Variants in PIBF1 observed in about 807,000 individuals in gnomAD.
PIBF1 encodes the protein progesterone immunomodulatory binding factor 1, also known as progesterone-induced-blocking factor 1.
In PIBF1, 90 loss-of-function variants were observed where a neutral mutation model predicts 112.5. The ratio of observed to expected loss-of-function variants is 0.80; its 90% CI spans 0.67 to 0.95. The LOEUF is 0.95. PIBF1 is among the 40% of genes least tolerant of loss of function. PIBF1 has a pLI of 0.00. For missense variants in PIBF1, 915 were observed against 852.3 expected (o/e 1.07, Z -0.92); for synonymous variants, 301 against 288.6 (o/e 1.04, Z -0.44).
intron 5 of PIBF1, among the ~76,000 whole-genome samples, chr13:72,799,715 AT>A (rs1290310807): frequency 1.3e-5 from 2 of 152,144 alleles, no homozygotes; most frequent in Non-Finnish European, 2.9e-5. Context: ...TACAGGGGTT[AT>A]TGGGGAAGAG....
At chr13:72,841,868 G>A (rs975519157) in intron 9 of PIBF1, among the ~76,000 whole-genome samples, 5 of 152,180 alleles carry the variant, frequency 3.3e-5, no homozygotes, top group Admixed American at 6.5e-5. Flanking sequence ...AATTATAGAT[G>A]TAGATGAGTT....
intron 13 of PIBF1, among the ~76,000 whole-genome samples, chr13:72,918,699 A>G (rs1594195033): frequency 7.3e-6 from 1 of 137,734 alleles, no homozygotes; most frequent in African/African-American, 2.6e-5. Context: ...CAGTCTAGCA[A>G]CTACATCTTT....
At chr13:73,015,779 A>G in intron 17 of PIBF1, 90 bp from the exon 18 acceptor site, 1 of 575,492 alleles carries the variant, frequency 1.7e-6, no homozygotes, top group Non-Finnish European at 2.8e-6. Context: ...GCTTACATAA[A>G]AAAACCTCAA....
chr13:72,867,175 G>C (rs916220752), intron 10 of PIBF1, among the ~76,000 whole-genome samples: 3 of 152,190 alleles, frequency 2.0e-5, no homozygotes, highest in African/African-American at 7.2e-5. Flanking sequence ...TAGTAAATAA[G>C]TCTAACAAGA....
At chr13:73,013,586 A>G (rs2044283772) in intron 17 of PIBF1, among the ~76,000 whole-genome samples, 1 of 151,912 alleles carries the variant, frequency 6.6e-6, no homozygotes. Flanking sequence ...AAAATATAAA[A>G]ATTAGCTGAG....
intron 10 of PIBF1, among the ~76,000 whole-genome samples, chr13:72,868,710 G>A (rs548143973): frequency 5.5e-4 from 83 of 151,868 alleles, no homozygotes; most frequent in African/African-American, 1.9e-3. Flanking sequence ...ATGGCTGGGT[G>A]CAGTGATTCA....
At chr13:72,937,416 T>C (rs949720514) in intron 14 of PIBF1, among the ~76,000 whole-genome samples, 2 of 152,184 alleles carry the variant, frequency 1.3e-5, no homozygotes, top group African/African-American at 4.8e-5. Context: ...ATAAGAACCT[T>C]ACAACAGTAT....
chr13:72,983,517 A>G (rs2043203612), intron 16 of PIBF1, among the ~76,000 whole-genome samples: 1 of 152,176 alleles, frequency 6.6e-6, no homozygotes, highest in Non-Finnish European at 1.5e-5. Flanking sequence ...TTCTTCTTAC[A>G]GCAGTGTATG....
chr13:72,791,140 C>G (rs953884689), intron 2 of PIBF1, among the ~76,000 whole-genome samples: 1 of 152,026 alleles, frequency 6.6e-6, no homozygotes, highest in Non-Finnish European at 1.5e-5. Flanking sequence ...CTGCAACCTC[C>G]GCCTCCCGGG....
chr13:73,010,183 A>G (rs990039331), intron 17 of PIBF1, among the ~76,000 whole-genome samples: 4 of 151,708 alleles, frequency 2.6e-5, no homozygotes, highest in Admixed American at 2.6e-4. Flanking sequence ...TTCTCAAAAC[A>G]GAACTTACCC....
chr13:73,008,108 A>G (rs538600608), intron 17 of PIBF1, among the ~76,000 whole-genome samples: 1 of 152,352 alleles, frequency 6.6e-6, no homozygotes, highest in Non-Finnish European at 1.5e-5. Flanking sequence ...TAGGTGAGAA[A>G]TCACTCTGAC....
At chr13:72,932,037 G>A (rs1257934515) in intron 14 of PIBF1, among the ~76,000 whole-genome samples, 2 of 150,066 alleles carry the variant, frequency 1.3e-5, no homozygotes, top group Admixed American at 6.6e-5. Context: ...TGCCTCCCAG[G>A]GTCAAGGACT....
intron 14 of PIBF1, among the ~76,000 whole-genome samples, chr13:72,944,422 C>G (rs1197508492): frequency 6.8e-6 from 1 of 148,058 alleles, no homozygotes; most frequent in African/African-American, 2.5e-5. Flanking sequence ...AGGACTCTAG[C>G]CTAGGTGACA....
chr13:72,872,247 A>G (rs776754063), intron 10 of PIBF1, among the ~76,000 whole-genome samples: 6 of 152,348 alleles, frequency 3.9e-5, no homozygotes, highest in Middle Eastern at 3.4e-3. Context: ...ACTGACAATA[A>G]TTGAAAGTAT....
At chr13:72,997,225 T>C (rs1433561284) in intron 16 of PIBF1, among the ~76,000 whole-genome samples, 1 of 152,214 alleles carries the variant, frequency 6.6e-6, no homozygotes, top group Non-Finnish European at 1.5e-5. Flanking sequence ...AAAGTTTTTC[T>C]TTTCATAGGC....
intron 9 of PIBF1, among the ~76,000 whole-genome samples, chr13:72,852,845 A>G (rs956749032): frequency 6.6e-6 from 1 of 152,206 alleles, no homozygotes; most frequent in Non-Finnish European, 1.5e-5. Context: ...GGCATGATGT[A>G]AAAAGCCCTG....
chr13:72,864,107 T>G (rs2038822765), intron 10 of PIBF1, among the ~76,000 whole-genome samples: 1 of 152,242 alleles, frequency 6.6e-6, no homozygotes, highest in Non-Finnish European at 1.5e-5. Context: ...TGTTGTTAAT[T>G]CATAAGCACT....
At chr13:72,831,384 C>T (rs974807195) in intron 8 of PIBF1, among the ~76,000 whole-genome samples, 3 of 151,988 alleles carry the variant, frequency 2.0e-5, no homozygotes, top group African/African-American at 7.2e-5. Flanking sequence ...TCTTTCCTGA[C>T]TTCTCTTGTG....
intron 12 of PIBF1, among the ~76,000 whole-genome samples, chr13:72,910,502 G>T (rs1026921614): frequency 6.6e-6 from 1 of 152,064 alleles, no homozygotes; most frequent in African/African-American, 2.4e-5. Flanking sequence ...ATCTGAAAAA[G>T]GGCATTTATA....
Sources: gnomAD v4.1 joint callset for allele counts (sites outside exome capture counted in the v4.1 genomes callset) on GRCh38, gnomAD v4.1.1 for gene constraint, MANE v1.5 for transcripts, NCBI Gene and HGNC (gene_info 2026-07-23, HGNC 2026-07-21) for gene names.